The following SWT1 variants were observed in gnomAD, a reference collection of about 807,000 sequenced individuals.
SWT1 encodes the protein SWT1 RNA endoribonuclease homolog, also known as transcriptional protein SWT1.
Under a neutral mutation model 107.3 loss-of-function variants are expected in SWT1, and 33 were observed. The observed-to-expected ratio is 0.31, with a 90% CI of 0.23 to 0.41. SWT1 has a LOEUF of 0.41. Ranked by LOEUF, SWT1 falls within the 10% of genes least tolerant of loss-of-function variation. The probability of loss-of-function intolerance (pLI) is 1.00; values close to 1 mark genes in which losing one functional copy is unlikely to be tolerated. For missense variants in SWT1, 898 were observed against 1,028.9 expected, an observed-to-expected ratio of 0.87 and a Z score of 1.74; for synonymous variants, 345 against 348.3, an observed-to-expected ratio of 0.99 and a Z score of 0.11.
At chr1:185,244,991 A>T (rs928333232) in intron 16 of SWT1, among the ~76,000 whole-genome samples, 5 of 152,130 alleles carry the variant, frequency 3.3e-5, no homozygotes, top group African/African-American at 1.2e-4. Context: ...AGGCAGGAGG[A>T]TTGCTTGAGC....
chr1:185,279,042 T>G (rs543670827), intron 18 of SWT1, among the ~76,000 whole-genome samples: 1 of 152,152 alleles, frequency 6.6e-6, no homozygotes, highest in African/African-American at 2.4e-5. Context: ...TTAAAATAAG[T>G]TTTTCAAGAA....
chr1:185,188,914 T>C (rs1656715608), intron 9 of SWT1, among the ~76,000 whole-genome samples: 1 of 152,176 alleles, frequency 6.6e-6, no homozygotes, highest in Admixed American at 6.5e-5. Context: ...AGGTAGGTAG[T>C]TTATGGACTT....
intron 16 of SWT1, among the ~76,000 whole-genome samples, chr1:185,248,997 T>C (rs1000688539): frequency 2.0e-5 from 3 of 152,136 alleles, no homozygotes; most frequent in Non-Finnish European, 4.4e-5. Flanking sequence ...TTTTGTAATG[T>C]TTTGGGAGTT....
intron 16 of SWT1, chr1:185,264,568 A>C: frequency 2.1e-6 from 1 of 485,140 alleles, no homozygotes; most frequent in Non-Finnish European, 2.7e-6. Context: ...TAATCATCTT[A>C]ATATGCCTGT....
intron 16 of SWT1, among the ~76,000 whole-genome samples, chr1:185,238,682 A>G (rs1353473458): frequency 6.6e-6 from 1 of 152,128 alleles, no homozygotes; most frequent in Non-Finnish European, 1.5e-5. Flanking sequence ...TTAACTCACC[A>G]TTCACTTATC....
intron 16 of SWT1, among the ~76,000 whole-genome samples, chr1:185,249,217 A>G (rs1237168180): frequency 6.6e-6 from 1 of 152,124 alleles, no homozygotes; most frequent in African/African-American, 2.4e-5. Context: ...GGTTTCCAAG[A>G]GTGTCCCACC....
intron 15 of SWT1, among the ~76,000 whole-genome samples, chr1:185,225,058 A>G (rs919123559): frequency 6.6e-6 from 1 of 152,072 alleles, no homozygotes; most frequent in Non-Finnish European, 1.5e-5. Context: ...TGGGTTTGTC[A>G]TATATGGCCT....
At chr1:185,233,046 A>G (rs1660608225) in intron 16 of SWT1, among the ~76,000 whole-genome samples, 1 of 152,030 alleles carries the variant, frequency 6.6e-6, no homozygotes, top group Non-Finnish European at 1.5e-5. Context: ...ACCACATCTA[A>G]CTTGTTAAAA....
At chr1:185,222,132 T>A in intron 15 of SWT1, 96 bp downstream of exon 15, 3 of 772,240 alleles carry the variant, frequency 3.9e-6, no homozygotes, top group Non-Finnish European at 5.7e-6. Flanking sequence ...CAATTTGACG[T>A]TTCAATAGAT....
intron 16 of SWT1, among the ~76,000 whole-genome samples, chr1:185,254,252 T>G (rs1411418019): frequency 2.9e-4 from 37 of 126,560 alleles, no homozygotes; most frequent in Non-Finnish European, 5.7e-4. Context: ...TTTTTTGTTG[T>G]GTCTCTGCCT....
intron 16 of SWT1, among the ~76,000 whole-genome samples, chr1:185,268,119 AC>A (rs1571668487): frequency 6.6e-6 from 1 of 152,178 alleles, no homozygotes; most frequent in East Asian, 1.9e-4. Context: ...GGCTCAGTTT[AC>A]CTCCAACCAT....
rs1322324519 is a variant in SWT1 at position 185,190,618 on chromosome 1, C to T, written c.1499C>T (p.Pro500Leu). Reference protein sequence around the residue: ...KCCLQHQELFPCSFVILCTDD... With the variant: ...KCCLQHQELFLCSFVILCTDD... ...TGTCTCCAGCACCAGGAATTATTCC[C>T]TTGTTCTTTTGTTATTCTGTGCACG... is the stretch of plus-strand genomic sequence containing the variant. Residue 500 changes from proline to leucine, a missense_variant, in exon 10 of 19, where the codon CCT becomes CTT. This residue lies in a region of SWT1 where 382 missense variants were observed against 460.0 expected (regional missense o/e 0.83). Coordinates refer to ENST00000367500, the MANE Select transcript of SWT1 (RefSeq NM_017673.7). 3 of 1,607,482 alleles carry T rather than the reference C, an allele frequency of 1.9e-6. No individual in the cohort carries two copies. Among genetic ancestry groups the T allele is most frequent in the African/African-American group, 1.3e-5 (1 of 74,758 alleles).
At chr1:185,173,458 G>T (rs1655263470) in intron 4 of SWT1, among the ~76,000 whole-genome samples, 1 of 151,004 alleles carries the variant, frequency 6.6e-6, no homozygotes, top group African/African-American at 2.4e-5. Context: ...CACTGGGGAG[G>T]CTAAGGTGGG....
chr1:185,211,816 A>C (rs540164338), intron 13 of SWT1, among the ~76,000 whole-genome samples: 328 of 152,254 alleles, frequency 2.2e-3, no homozygotes, highest in Non-Finnish European at 3.8e-3. Flanking sequence ...CAAATGTCCA[A>C]CAATGATAGA....
Position 185,242,637 on chromosome 1 carries a change from A to C in SWT1, c.2441+10929A>C, listed in dbSNP as rs77926669. 5.6e-3 allele frequency among the ~76,000 whole-genome samples: 851 copies of C among 152,340 alleles called. 35 individuals carry two copies. In the East Asian group the frequency reaches 0.094, roughly 17 times the overall value. On this transcript the variant is annotated intron_variant, in intron 16 of 18. Transcript: ENST00000367500. ...AGTTAAATGTATCCCATCATAAATT[A>C]TCAAATCACATCCAAATTAAGCAAT...
chr1:185,252,602 G>A (rs1255017491), intron 16 of SWT1, among the ~76,000 whole-genome samples: 11 of 151,964 alleles, frequency 7.2e-5, no homozygotes, highest in East Asian at 3.9e-4. Flanking sequence ...GTCTGTTCAT[G>A]TCCTTCGCCC....
chr1:185,243,388 G>C (rs1259094241), intron 16 of SWT1, among the ~76,000 whole-genome samples: 1 of 152,146 alleles, frequency 6.6e-6, no homozygotes, highest in Non-Finnish European at 1.5e-5. Context: ...GGGATTACAG[G>C]TGTGAGCCAC....
At chr1:185,272,230 A>G (rs909118408) in intron 17 of SWT1, among the ~76,000 whole-genome samples, 3 of 152,196 alleles carry the variant, frequency 2.0e-5, no homozygotes, top group Non-Finnish European at 2.9e-5. Flanking sequence ...GCTTCAGTGT[A>G]TTTTGTAAAT....
At chr1:185,258,412 T>G (rs1054792485) in intron 16 of SWT1, among the ~76,000 whole-genome samples, 1 of 152,180 alleles carries the variant, frequency 6.6e-6, no homozygotes, top group Non-Finnish European at 1.5e-5. Flanking sequence ...TTATCATGCT[T>G]TATTAGTTTT....
Sources: gnomAD v4.1 joint callset for allele counts (sites outside exome capture counted in the v4.1 genomes callset) on GRCh38, gnomAD v4.1.1 for gene constraint, gnomAD v4.1.1 regional missense constraint, MANE v1.5 for transcripts, NCBI Gene and HGNC (gene_info 2026-07-23, HGNC 2026-07-21) for gene names.